Variants in ACTA2 observed in about 807,000 individuals in gnomAD.
ACTA2 encodes actin, aortic smooth muscle.
In ACTA2, 12 loss-of-function variants were observed where a neutral mutation model predicts 39.5. The observed-to-expected ratio is 0.30, with a 90% CI of 0.19 to 0.49. The LOEUF (loss-of-function observed/expected upper bound fraction) is 0.49, where lower values mean the gene tolerates loss of function less well. Among genes scored for constraint, ACTA2 ranks in the 20% least tolerant of loss-of-function variants. ACTA2 has a pLI of 0.99. For missense variants in ACTA2, 236 were observed against 498.8 expected (o/e 0.47, Z 5.02); for synonymous variants, 158 against 180.6 (o/e 0.88, Z 1.00).
chr10:88,965,200 A>C (rs1332845826), intron 1 of ACTA2, among the ~76,000 whole-genome samples: 2 of 152,260 alleles, frequency 1.3e-5, no homozygotes, highest in East Asian at 3.9e-4. Flanking sequence ...ATATTTTCTC[A>C]CATTTGCAGT....
chr10:88,986,093 A>C (rs1308805865), intron 1 of ACTA2, among the ~76,000 whole-genome samples: 2 of 152,174 alleles, frequency 1.3e-5, no homozygotes, highest in African/African-American at 2.4e-5. Flanking sequence ...ATTATTAGTT[A>C]AATATATATT....
chr10:88,960,806 G>T (rs1191854406), intron 1 of ACTA2, among the ~76,000 whole-genome samples: 1 of 152,136 alleles, frequency 6.6e-6, no homozygotes, highest in African/African-American at 2.4e-5. Flanking sequence ...GTCACTAGTG[G>T]ATTCCTTGAA....
At chr10:88,946,829 G>A (rs1845957401) in intron 3 of ACTA2, 2 of 167,540 alleles carry the variant, frequency 1.2e-5, no homozygotes, top group African/African-American at 4.8e-5. Context: ...TGCCATGTTG[G>A]TGTGCTGCAC....
intron 1 of ACTA2, among the ~76,000 whole-genome samples, chr10:88,970,899 A>G (rs1404926929): frequency 6.6e-6 from 1 of 150,842 alleles, no homozygotes; most frequent in Non-Finnish European, 1.5e-5. Context: ...GTGTGTGTGT[A>G]TATATATAAA....
rs1845779514 is a variant in ACTA2, at chr10:88,938,140, C to T, written c.911G>A (p.Gly304Asp). The T allele has an allele frequency of 6.2e-7, 1 of 1,614,006 alleles. No individual in the cohort carries two copies. Among genetic ancestry groups the T allele is most frequent in the Non-Finnish European group, 8.5e-7 (1 of 1,179,934 alleles). ...DLYANNVLSG[G>D]TTMYPGIADR... ...GGCAATGCCAGGGTACATAGTGGTG[C>T]CCCCTGATAGGACATTGTTAGCATA... Residue 304 changes from glycine (G) to aspartate (D), a missense_variant, in exon 8 of 9, where the codon GGC becomes GAC. Gly to Asp is a moderately conservative substitution (Grantham distance 94). Transcript: ENST00000224784.
At chr10:88,983,225 C>T (rs10887875) in intron 1 of ACTA2, among the ~76,000 whole-genome samples, 41,810 of 152,006 alleles carry the variant, frequency 0.28, 6,124 homozygotes, top group Non-Finnish European at 0.32. Context: ...ACATAAACAG[C>T]AAAAATTCTT....
intron 1 of ACTA2, among the ~76,000 whole-genome samples, chr10:88,949,778 AT>A (rs1846017125): frequency 6.6e-6 from 1 of 152,146 alleles, no homozygotes; most frequent in South Asian, 2.1e-4. Flanking sequence ...TTAAAAATGT[AT>A]TTTTTATGCA....
intron 8 of ACTA2, among the ~76,000 whole-genome samples, chr10:88,936,198 A>C (rs930400129): frequency 6.6e-6 from 1 of 152,234 alleles, no homozygotes; most frequent in African/African-American, 2.4e-5. Context: ...GAGGAAACAG[A>C]GGCTGAGAAA....
intron 8 of ACTA2, among the ~76,000 whole-genome samples, chr10:88,935,964 G>GT (rs1275637692): frequency 1.3e-5 from 2 of 152,182 alleles, no homozygotes; most frequent in Non-Finnish European, 2.9e-5. Flanking sequence ...GCATGCTCAT[G>GT]TTTCTTAAAT....
At chr10:88,961,965 C>T (rs1846232853) in intron 1 of ACTA2, among the ~76,000 whole-genome samples, 1 of 152,126 alleles carries the variant, frequency 6.6e-6, no homozygotes, top group Non-Finnish European at 1.5e-5. Context: ...TGTGCACACC[C>T]TTTATATGAT....
At position 88,973,035 on chromosome 10, in the gene ACTA2, AGTT is replaced by A. The variant is rs1213941237; in HGVS notation, c.-24+17901_-24+17903del. The A allele has an allele frequency of 2.9e-5, 26 of 889,848 alleles. No individual in the cohort carries two copies. The African/African-American group carries it at 3.6e-4, about 12-fold the overall frequency. The allele number at this position is 889,848 out of a possible 1,614,324, so 55.1% of individuals were successfully genotyped here. A position where few individuals can be genotyped will look rare whatever the true frequency, so the allele number is the denominator to read the frequency against. On this transcript the variant is annotated intron_variant, in intron 1 of 4. Coordinates refer to the ACTA2 transcript ENST00000415557. ...AAAATTGAAACCATTTAGAGTTTGT[AGTT>A]GTTTTATTTTAAAAGCTAACCTTGT...
intron 8 of ACTA2, 68 bp from the exon 9 acceptor site, chr10:88,935,434 C>A: frequency 6.4e-7 from 1 of 1,572,632 alleles, no homozygotes; most frequent in East Asian, 2.3e-5. Flanking sequence ...TGCGGTAGGA[C>A]AGAGCCTGGA....
At position 88,961,610 on chromosome 10, in the gene ACTA2, C is replaced by T. The variant is rs572266585; in HGVS notation, c.-23-12657G>A. Among the ~76,000 whole-genome samples the T allele has an allele frequency of 5.9e-5, 9 of 152,250 alleles. No homozygotes were observed. The Middle Eastern group carries it at 0.014, about 230-fold the overall frequency. The stretch of plus-strand genomic sequence containing the variant: ...GAATAGCCACAGAGTAAGAGAGAGA[C>T]CCTCAGTGTAGAGATCCACAGTCCT... On this transcript the variant is annotated intron_variant, in intron 1 of 4. Coordinates refer to the ACTA2 transcript ENST00000415557.
chr10:88,970,776 A>G (rs1055311637), intron 1 of ACTA2, among the ~76,000 whole-genome samples: 1 of 152,144 alleles, frequency 6.6e-6, no homozygotes, highest in Non-Finnish European at 1.5e-5. Flanking sequence ...GTAAATGACA[A>G]GTTAATGGGT....
At chr10:88,946,357 C>G (rs991046163) in intron 3 of ACTA2, among the ~76,000 whole-genome samples, 2 of 145,156 alleles carry the variant, frequency 1.4e-5, no homozygotes, top group Non-Finnish European at 3.0e-5. Flanking sequence ...CTCAAGTGAT[C>G]CAGTGCTGAG....
At chr10:88,965,036 T>G (rs1018544312) in intron 1 of ACTA2, among the ~76,000 whole-genome samples, 3 of 152,158 alleles carry the variant, frequency 2.0e-5, no homozygotes, top group Non-Finnish European at 4.4e-5. Context: ...ATAGCTTCCC[T>G]TTTCTTCTTC....
chr10:88,983,820 TGAATGA>T (rs1846789133), intron 1 of ACTA2, among the ~76,000 whole-genome samples: 1 of 152,118 alleles, frequency 6.6e-6, no homozygotes, highest in Non-Finnish European at 1.5e-5. Flanking sequence ...ATAAACCCAT[TGAATGA>T]CTTGGAAATT....
Position 88,943,787 on chromosome 10 carries a change from G to T in ACTA2, c.369+10C>A, listed in dbSNP as rs1057522148. 13 of 1,604,104 alleles carry T rather than the reference G, an allele frequency of 8.1e-6. No individual in the cohort carries two copies. The highest frequency in any genetic ancestry group is 1.0e-5 in the Non-Finnish European group (12 of 1,171,056). On this transcript the variant is annotated intron_variant, in intron 4 of 8. Transcript: ENST00000224784. Reference sequence around the variant, plus strand: ...CCCCACAGTGTTGTGTGCTGGGGTAGCATACTTACTTGAGTCATTTTCTCC... The same window carrying T: ...CCCCACAGTGTTGTGTGCTGGGGTATCATACTTACTTGAGTCATTTTCTCC...
At chr10:88,946,685 C>T (rs1845954159) in intron 3 of ACTA2, 1 of 152,052 alleles carries the variant, frequency 6.6e-6, no homozygotes, top group South Asian at 2.1e-4. Flanking sequence ...AGCAACCATG[C>T]CTGGCAAGGG....
Sources: gnomAD v4.1 joint callset for allele counts (sites outside exome capture counted in the v4.1 genomes callset) on GRCh38, gnomAD v4.1.1 for gene constraint, MANE v1.5 for transcripts, NCBI Gene and HGNC (gene_info 2026-07-23, HGNC 2026-07-21) for gene names.